Variants in RBFOX1 observed in about 807,000 individuals in gnomAD.
RBFOX1 encodes RNA binding protein fox-1 homolog 1.
Under a neutral mutation model 57.7 loss-of-function variants are expected in RBFOX1, and 8 were observed. That is an observed-to-expected ratio of 0.14 (90% CI 0.08 to 0.25). RBFOX1 has a LOEUF of 0.25. Ranked by LOEUF, RBFOX1 falls within the 10% of genes least tolerant of loss-of-function variation. RBFOX1 has a pLI of 1.00. For synonymous variants in RBFOX1, 326 were observed against 222.4 expected, an observed-to-expected ratio of 1.47 and a Z score of -4.15; for missense variants, 611 against 548.5, an observed-to-expected ratio of 1.11 and a Z score of -1.14.
At chr16:5,515,341 C>T (rs1221982769) in intron 2 of RBFOX1, among the ~76,000 whole-genome samples, 4 of 152,338 alleles carry the variant, frequency 2.6e-5, no homozygotes, top group Middle Eastern at 6.8e-3. Flanking sequence ...GCAAAGCCCC[C>T]ACCTCACTGT....
intron 14 of RBFOX1, among the ~76,000 whole-genome samples, chr16:7,690,745 G>A (rs1598193859): frequency 6.6e-6 from 1 of 152,050 alleles, no homozygotes. Context: ...TGGTCATCTG[G>A]GGCAAATGGC....
chr16:7,158,355 A>G (rs1374139783), intron 4 of RBFOX1, among the ~76,000 whole-genome samples: 1 of 152,118 alleles, frequency 6.6e-6, no homozygotes, highest in Non-Finnish European at 1.5e-5. Flanking sequence ...CAAAAGAAAA[A>G]GAAAAACTAC....
chr16:5,261,844 A>G (rs2062742053), intron 1 of RBFOX1, among the ~76,000 whole-genome samples: 1 of 152,058 alleles, frequency 6.6e-6, no homozygotes, highest in African/African-American at 2.4e-5. Flanking sequence ...GCCACCGTAT[A>G]AGCCCAGCCT....
At chr16:6,170,759 A>G (rs957298171) in intron 1 of RBFOX1, among the ~76,000 whole-genome samples, 2 of 151,994 alleles carry the variant, frequency 1.3e-5, no homozygotes, top group African/African-American at 4.8e-5. Context: ...CTCTATCCTC[A>G]AGCAGGCCCC....
At chr16:7,695,994 C>T (rs1005185594) in intron 14 of RBFOX1, among the ~76,000 whole-genome samples, 2 of 152,152 alleles carry the variant, frequency 1.3e-5, no homozygotes, top group Non-Finnish European at 2.9e-5. Flanking sequence ...AATCATTAAG[C>T]AGTAGAACAG....
At chr16:6,933,463 G>A (rs962026640) in intron 3 of RBFOX1, among the ~76,000 whole-genome samples, 27 of 152,118 alleles carry the variant, frequency 1.8e-4, no homozygotes, top group Admixed American at 5.2e-4. Context: ...CTGTAATCCC[G>A]GCTCTTTGGG....
chr16:5,448,008 TTAATTGAA>T (rs749531751), intron 1 of RBFOX1, among the ~76,000 whole-genome samples: 2 of 152,168 alleles, frequency 1.3e-5, no homozygotes, highest in African/African-American at 2.4e-5. Context: ...TCCTGTTTAA[TTAATTGAA>T]TCTGGGGGTG....
intron 2 of RBFOX1, among the ~76,000 whole-genome samples, chr16:6,525,254 A>C (rs1262060683): frequency 3.3e-5 from 5 of 152,210 alleles, no homozygotes; most frequent in Non-Finnish European, 1.5e-5. Context: ...GCAAAGTGGC[A>C]CTCAGAGAAC....
intron 1 of RBFOX1, among the ~76,000 whole-genome samples, chr16:6,177,182 G>GT (rs1334476985): frequency 4.3e-5 from 6 of 140,940 alleles, no homozygotes; most frequent in South Asian, 2.2e-4. Flanking sequence ...CTCATTTCTT[G>GT]TTTGTTTTTT....
intron 1 of RBFOX1, among the ~76,000 whole-genome samples, chr16:6,262,923 A>G (rs761037411): frequency 1.1e-4 from 16 of 152,164 alleles, no homozygotes; most frequent in Non-Finnish European, 2.2e-4. Flanking sequence ...ATGAAGTTGC[A>G]AAGAGGCACT....
At chr16:7,099,167 A>G (rs1264062918) in intron 4 of RBFOX1, among the ~76,000 whole-genome samples, 3 of 152,214 alleles carry the variant, frequency 2.0e-5, no homozygotes, top group South Asian at 2.1e-4. Flanking sequence ...GTAACCATCA[A>G]TACTGTTGTC....
chr16:6,910,560 A>G (rs932811334), intron 3 of RBFOX1, among the ~76,000 whole-genome samples: 2 of 152,108 alleles, frequency 1.3e-5, no homozygotes, highest in Non-Finnish European at 2.9e-5. Flanking sequence ...AACGGCCCCT[A>G]TTGGGGTAAA....
chr16:5,279,606 A>G (rs1447558469), intron 1 of RBFOX1, among the ~76,000 whole-genome samples: 4 of 152,098 alleles, frequency 2.6e-5, no homozygotes, highest in African/African-American at 9.7e-5. Context: ...GGTTCAAGCG[A>G]TTCTCCTGCT....
chr16:6,108,119 T>A (rs2096404067), intron 1 of RBFOX1, among the ~76,000 whole-genome samples: 1 of 152,214 alleles, frequency 6.6e-6, no homozygotes, highest in African/African-American at 2.4e-5. Context: ...ATGTATTACT[T>A]CTTAAAAAAA....
At chr16:5,679,422 G>A (rs1048422480) in intron 3 of RBFOX1, among the ~76,000 whole-genome samples, 7 of 151,792 alleles carry the variant, frequency 4.6e-5, no homozygotes, top group Non-Finnish European at 8.8e-5. Context: ...TGCCATGGTG[G>A]TTTGCTGCAC....
chr16:7,445,512 A>G (rs1292672814), intron 4 of RBFOX1, among the ~76,000 whole-genome samples: 2 of 152,230 alleles, frequency 1.3e-5, no homozygotes, highest in East Asian at 1.9e-4. Context: ...TTGATACAGC[A>G]TCAAATAGGA....
intron 4 of RBFOX1, among the ~76,000 whole-genome samples, chr16:7,378,139 T>G (rs1200817810): frequency 6.6e-6 from 1 of 152,162 alleles, no homozygotes; most frequent in African/African-American, 2.4e-5. Flanking sequence ...AGGAGGACTT[T>G]GATGGGCGGC....
chr16:7,211,267 C>T (rs2091074930), intron 4 of RBFOX1, among the ~76,000 whole-genome samples: 1 of 151,504 alleles, frequency 6.6e-6, no homozygotes, highest in Non-Finnish European at 1.5e-5. Context: ...TGGTGGGCCC[C>T]TGTAGTCCCA....
At chr16:5,297,759 T>C (rs2151190141) in intron 1 of RBFOX1, among the ~76,000 whole-genome samples, 1 of 152,368 alleles carries the variant, frequency 6.6e-6, no homozygotes, top group Middle Eastern at 3.4e-3. Flanking sequence ...TGTTACTGGT[T>C]GCATGTAAGA....
Sources: gnomAD v4.1 joint callset for allele counts (sites outside exome capture counted in the v4.1 genomes callset) on GRCh38, gnomAD v4.1.1 for gene constraint, MANE v1.5 for transcripts, NCBI Gene and HGNC (gene_info 2026-07-23, HGNC 2026-07-21) for gene names.